KALRN: variants seen among roughly 807,000 people sequenced by gnomAD.
KALRN encodes kalirin.
KALRN carries 70 observed loss-of-function variants against 353.7 expected under a neutral mutation model. The observed-to-expected ratio is 0.20, with a 90% CI of 0.16 to 0.24. The LOEUF (loss-of-function observed/expected upper bound fraction) is 0.24. KALRN is among the 10% of genes least tolerant of loss of function. The pLI is 1.00. For synonymous variants in KALRN, 1,391 were observed against 1,434.8 expected (o/e 0.97, Z 0.69); for missense variants, 2,791 against 3,756.7 (o/e 0.74, Z 6.72).
intron 1 of KALRN, among the ~76,000 whole-genome samples, chr3:124,178,770 C>T (rs2073142361): frequency 6.6e-6 from 1 of 152,118 alleles, no homozygotes; most frequent in Non-Finnish European, 1.5e-5. Context: ...CACTACCAGA[C>T]TTTATGAACA....
At chr3:124,410,581 C>T (rs1408451215) in intron 13 of KALRN, among the ~76,000 whole-genome samples, 1 of 152,132 alleles carries the variant, frequency 6.6e-6, no homozygotes, top group Non-Finnish European at 1.5e-5. Flanking sequence ...GGTCAATAAG[C>T]ATTTGAAAAT....
At chr3:124,220,573 G>A (rs1406409504) in intron 1 of KALRN, among the ~76,000 whole-genome samples, 1 of 152,130 alleles carries the variant, frequency 6.6e-6, no homozygotes, top group Non-Finnish European at 1.5e-5. Flanking sequence ...CTTCTAATAG[G>A]TTCTCTACTA....
chr3:124,168,973 G>C (rs544606608), intron 1 of KALRN, among the ~76,000 whole-genome samples: 1 of 152,340 alleles, frequency 6.6e-6, no homozygotes, highest in East Asian at 1.9e-4. Context: ...TATATACTAA[G>C]AGAGCACAAC....
intron 29 of KALRN, 92 bp from the exon 30 acceptor site, chr3:124,490,602 A>T (rs2063051217): frequency 2.5e-6 from 3 of 1,190,064 alleles, no homozygotes; most frequent in Non-Finnish European, 2.4e-6. Context: ...GACTAACAAT[A>T]AGAGAGGCCT....
intron 3 of KALRN, among the ~76,000 whole-genome samples, chr3:124,255,794 A>G (rs535404776): frequency 1.1e-4 from 16 of 152,294 alleles, no homozygotes; most frequent in African/African-American, 3.1e-4. Context: ...GAGGCTTGTG[A>G]GGCTTGTGAA....
At chr3:124,092,643 G>A (rs1275253505) in intron 1 of KALRN, among the ~76,000 whole-genome samples, 3 of 152,190 alleles carry the variant, frequency 2.0e-5, no homozygotes, top group Non-Finnish European at 2.9e-5. Flanking sequence ...TCAGTGAAAC[G>A]TGTCACAATT....
chr3:124,550,340 T>A (rs1054138226), intron 33 of KALRN, among the ~76,000 whole-genome samples: 2 of 152,062 alleles, frequency 1.3e-5, no homozygotes, highest in African/African-American at 4.8e-5. Flanking sequence ...GGAAAGAGAA[T>A]CTGCAAGACT....
intron 1 of KALRN, among the ~76,000 whole-genome samples, chr3:124,102,983 T>A (rs1432313587): frequency 6.6e-6 from 1 of 152,128 alleles, no homozygotes; most frequent in Non-Finnish European, 1.5e-5. Context: ...AGAGATTAAG[T>A]GCTTGGTTAA....
intron 44 of KALRN, 25 bp from the exon 45 acceptor site, chr3:124,661,826 G>C: frequency 6.3e-7 from 1 of 1,598,730 alleles, no homozygotes; most frequent in Non-Finnish European, 8.6e-7. Context: ...TCCCCCTCCT[G>C]AGTAACAGTT....
intron 1 of KALRN, among the ~76,000 whole-genome samples, chr3:124,214,962 G>A (rs929193497): frequency 1.3e-5 from 2 of 152,162 alleles, no homozygotes; most frequent in Non-Finnish European, 2.9e-5. Flanking sequence ...TGGTGGCCTC[G>A]CTATCAGGAT....
intron 1 of KALRN, among the ~76,000 whole-genome samples, chr3:124,126,837 A>AC (rs1484117398): frequency 2.0e-5 from 3 of 152,196 alleles, no homozygotes; most frequent in Non-Finnish European, 2.9e-5. Context: ...CCCCTAGCCC[A>AC]CTTCTGTAGC....
chr3:124,216,002 T>C (rs1579501576), intron 1 of KALRN, among the ~76,000 whole-genome samples: 1 of 152,136 alleles, frequency 6.6e-6, no homozygotes, highest in African/African-American at 2.4e-5. Flanking sequence ...GGCGGGGGTG[T>C]CATAAGTTTG....
At chr3:124,401,530 A>G (rs1431159904) in intron 13 of KALRN, among the ~76,000 whole-genome samples, 2 of 152,148 alleles carry the variant, frequency 1.3e-5, no homozygotes, top group Non-Finnish European at 2.9e-5. Context: ...ATAAACAAAT[A>G]AATTATTGGA....
At chr3:124,399,179 C>T (rs1165899583) in intron 13 of KALRN, among the ~76,000 whole-genome samples, 1 of 152,092 alleles carries the variant, frequency 6.6e-6, no homozygotes, top group African/African-American at 2.4e-5. Context: ...CGCTCTGTTG[C>T]CCAGGCTGAA....
chr3:124,418,932 T>C (rs2092645471), intron 14 of KALRN, among the ~76,000 whole-genome samples: 1 of 151,842 alleles, frequency 6.6e-6, no homozygotes. Context: ...TAGGACATGG[T>C]GATTTTTTTT....
chr3:124,496,860 T>C (rs1399280954), intron 33 of KALRN, among the ~76,000 whole-genome samples: 1 of 152,100 alleles, frequency 6.6e-6, no homozygotes, highest in Non-Finnish European at 1.5e-5. Context: ...TAGACCAAGA[T>C]TAAAGGTTTG....
intron 3 of KALRN, among the ~76,000 whole-genome samples, chr3:124,253,063 C>A (rs536623516): frequency 6.6e-6 from 1 of 152,300 alleles, no homozygotes; most frequent in African/African-American, 2.4e-5. Context: ...TTCTTTAACA[C>A]CTGCTGATCT....
At chr3:124,672,268 G>A (rs1417508582) in intron 48 of KALRN, among the ~76,000 whole-genome samples, 2 of 152,184 alleles carry the variant, frequency 1.3e-5, no homozygotes, top group Non-Finnish European at 2.9e-5. Flanking sequence ...ATCTTTTAAT[G>A]CTTGCTGATT....
At chr3:124,706,905 A>G (rs1234424293) in intron 57 of KALRN, among the ~76,000 whole-genome samples, 2 of 152,118 alleles carry the variant, frequency 1.3e-5, no homozygotes, top group Admixed American at 6.6e-5. Context: ...TTTCAAAATG[A>G]GCCAACTCCC....
Sources: allele counts gnomAD v4.1 joint callset (sites outside exome capture counted in the v4.1 genomes callset), GRCh38; gene constraint gnomAD v4.1.1; transcripts MANE v1.5; gene names NCBI Gene and HGNC (gene_info 2026-07-23, HGNC 2026-07-21).